The following ALPL variants were observed in gnomAD, a reference collection of about 807,000 sequenced individuals.
ALPL encodes the protein alkaline phosphatase, tissue-nonspecific isozyme.
A neutral mutation model predicts 51.3 loss-of-function variants in ALPL; 42 were observed. That is an observed-to-expected ratio of 0.82 (90% CI 0.64 to 1.06). The LOEUF (loss-of-function observed/expected upper bound fraction) is 1.06. ALPL is among the 50% of genes least tolerant of loss of function. The pLI is 0.00. For missense variants in ALPL, 589 were observed against 709.4 expected, an observed-to-expected ratio of 0.83 and a Z score of 1.93; for synonymous variants, 279 against 296.4, an observed-to-expected ratio of 0.94 and a Z score of 0.60.
At chr1:21,551,814 CT>C (rs1358485321) in intron 1 of ALPL, among the ~76,000 whole-genome samples, 1 of 149,802 alleles carries the variant, frequency 6.7e-6, no homozygotes, top group African/African-American at 2.5e-5. Flanking sequence ...CAAGCTCCGC[CT>C]CCCGGGTTCA....
chr1:21,555,410 G>A (rs146035044), intron 2 of ALPL, among the ~76,000 whole-genome samples: 366 of 152,164 alleles, frequency 2.4e-3, no homozygotes, highest in East Asian at 0.011. Flanking sequence ...GGGCTCAGAC[G>A]CCTGACACTT....
intron 9 of ALPL, chr1:21,574,256 C>A: frequency 5.2e-6 from 5 of 968,940 alleles, no homozygotes; most frequent in Non-Finnish European, 4.9e-6. Flanking sequence ...GCGGTGTGAC[C>A]TCTACCTGTG....
chr1:21,552,119 T>TCCC (rs1217864179), intron 1 of ALPL, among the ~76,000 whole-genome samples: 4 of 51,800 alleles, frequency 7.7e-5, no homozygotes, highest in African/African-American at 2.0e-4. Flanking sequence ...TCCCCTTCCC[T>TCCC]TTCCTCCCTC....
chr1:21,511,334 A>T (rs1248920568), intron 1 of ALPL, among the ~76,000 whole-genome samples: 1 of 152,200 alleles, frequency 6.6e-6, no homozygotes, highest in Non-Finnish European at 1.5e-5. Context: ...GGGACCTGGG[A>T]TCAGTTCTGT....
At chr1:21,528,790 C>T (rs1427354380) in intron 1 of ALPL, among the ~76,000 whole-genome samples, 1 of 151,604 alleles carries the variant, frequency 6.6e-6, no homozygotes, top group Non-Finnish European at 1.5e-5. Context: ...GGAGTCAGGG[C>T]CGGGCGTCGT....
intron 6 of ALPL, among the ~76,000 whole-genome samples, chr1:21,565,891 A>T (rs1341180493): frequency 1.3e-5 from 2 of 152,208 alleles, no homozygotes; most frequent in Non-Finnish European, 2.9e-5. Flanking sequence ...CCCAAAGCCA[A>T]ACAGCAAGTC....
intron 2 of ALPL, among the ~76,000 whole-genome samples, chr1:21,558,580 G>A (rs1021848782): frequency 2.0e-5 from 3 of 152,220 alleles, no homozygotes; most frequent in East Asian, 3.8e-4. Flanking sequence ...CTTGTCCAAA[G>A]GCACCCTGTC....
At chr1:21,559,442 C>T (rs1317778786) in intron 2 of ALPL, among the ~76,000 whole-genome samples, 2 of 152,182 alleles carry the variant, frequency 1.3e-5, no homozygotes, top group Admixed American at 6.5e-5. Context: ...GGGGATGATG[C>T]CAGCAATGTC....
intron 2 of ALPL, among the ~76,000 whole-genome samples, chr1:21,559,214 G>T (rs1190472617): frequency 6.6e-6 from 1 of 152,178 alleles, no homozygotes; most frequent in African/African-American, 2.4e-5. Flanking sequence ...AGAGGAAACC[G>T]CTAGGGAGCC....
intron 1 of ALPL, among the ~76,000 whole-genome samples, chr1:21,542,567 C>T (rs551885311): frequency 1.4e-4 from 22 of 152,320 alleles, no homozygotes; most frequent in Non-Finnish European, 2.4e-4. Context: ...TCCAGCCAGG[C>T]GCAGTGGCTC....
chr1:21,527,765 G>C (rs903664021), intron 1 of ALPL, among the ~76,000 whole-genome samples: 2 of 151,836 alleles, frequency 1.3e-5, no homozygotes, highest in African/African-American at 2.4e-5. Flanking sequence ...GGCTAGGCTG[G>C]TCTCAAACTC....
chr1:21,546,967 C>T (rs542974475), intron 1 of ALPL, among the ~76,000 whole-genome samples: 1 of 152,338 alleles, frequency 6.6e-6, no homozygotes, highest in African/African-American at 2.4e-5. Context: ...GTGTTACTAG[C>T]CAAGGGGTTC....
intron 1 of ALPL, among the ~76,000 whole-genome samples, chr1:21,538,394 T>C (rs1191042315): frequency 6.6e-6 from 1 of 152,328 alleles, no homozygotes; most frequent in East Asian, 1.9e-4. Flanking sequence ...CCTCTGGGAA[T>C]GCGAGGAACG....
chr1:21,554,325 C>CAT lies in ALPL; in HGVS notation c.61+197_61+198dup, dbSNP rs61491376. Among the ~76,000 whole-genome samples, 1,987 of 145,970 alleles carry CAT rather than the reference C, an allele frequency of 0.014. 55 individuals are homozygous for CAT. Among genetic ancestry groups the CAT allele is most frequent in the African/African-American group, 0.044 (1,748 of 39,666 alleles). On this transcript the variant is annotated intron_variant, in intron 2 of 11. Coordinates refer to ENST00000374840, the MANE Select transcript of ALPL (RefSeq NM_000478.6). The stretch of plus-strand genomic sequence containing the variant: ...TTAGTTGGATAGGTCACTCTTTTCC[C>CAT]ATATATATATATATACACACATACA...
intron 1 of ALPL, among the ~76,000 whole-genome samples, chr1:21,528,452 A>G (rs1381319594): frequency 2.7e-5 from 4 of 150,578 alleles, no homozygotes; most frequent in Non-Finnish European, 5.9e-5. Context: ...GATTCAAGCA[A>G]TTCTCCTGCC....
chr1:21,539,892 G>A (rs552741426), intron 1 of ALPL, among the ~76,000 whole-genome samples: 3 of 152,122 alleles, frequency 2.0e-5, no homozygotes, highest in South Asian at 2.1e-4. Flanking sequence ...TCCTGACCTC[G>A]TGATCTGCCC....
intron 1 of ALPL, among the ~76,000 whole-genome samples, chr1:21,524,817 G>T (rs1020330939): frequency 3.3e-5 from 5 of 152,214 alleles, no homozygotes; most frequent in Admixed American, 6.5e-5. Flanking sequence ...GAAGTGCGGA[G>T]TTTATCTATC....
chr1:21,556,069 G>A (rs945533781), intron 2 of ALPL, among the ~76,000 whole-genome samples: 4 of 151,914 alleles, frequency 2.6e-5, no homozygotes, highest in South Asian at 4.2e-4. Context: ...CACCGCACCC[G>A]GCCGAGTTTT....
chr1:21,565,407 A>G (rs1644549076), intron 6 of ALPL, among the ~76,000 whole-genome samples: 1 of 152,110 alleles, frequency 6.6e-6, no homozygotes, highest in Admixed American at 6.5e-5. Flanking sequence ...TGCAGCAGAA[A>G]CAGAGAGCCA....
Sources: gnomAD v4.1 joint callset for allele counts (sites outside exome capture counted in the v4.1 genomes callset) on GRCh38, gnomAD v4.1.1 for gene constraint, MANE v1.5 for transcripts, NCBI Gene and HGNC (gene_info 2026-07-23, HGNC 2026-07-21) for gene names.